PCSK5: variants seen among roughly 807,000 people sequenced by gnomAD.
The protein encoded by PCSK5 is prohormone convertase 5.
A neutral mutation model predicts 233.2 loss-of-function variants in PCSK5; 129 were observed. The observed-to-expected ratio is 0.55, with a 90% CI of 0.48 to 0.64. The LOEUF (loss-of-function observed/expected upper bound fraction) is 0.64, where lower values mean the gene tolerates loss of function less well. PCSK5 is among the 30% of genes least tolerant of loss of function. The pLI, the probability that PCSK5 is intolerant of heterozygous loss-of-function variation, is 0.00. For missense variants in PCSK5, 2,076 were observed against 2,430.1 expected (o/e 0.85, Z 3.06); for synonymous variants, 825 against 879.2 (o/e 0.94, Z 1.09).
rs1374183945 is a variant in PCSK5 at position 76,096,730 on chromosome 9, T to C, written c.1107+628T>C. On this transcript the variant is annotated intron_variant, in intron 8 of 37. Transcript: ENST00000674117. Reference sequence around the variant, plus strand: ...TATTCTCCTGTCTCAGCCTCCCAAGTAGCTGGAATTACAGGTGCGCACCAC... The same window carrying C: ...TATTCTCCTGTCTCAGCCTCCCAAGCAGCTGGAATTACAGGTGCGCACCAC... 2.6e-5 allele frequency among the ~76,000 whole-genome samples: 4 copies of C among 151,830 alleles called. No homozygotes were observed. In the East Asian group the frequency reaches 5.8e-4, roughly 22 times the overall value.
At chr9:76,245,155 G>T (rs1485457571) in intron 24 of PCSK5, among the ~76,000 whole-genome samples, 1 of 152,058 alleles carries the variant, frequency 6.6e-6, no homozygotes, top group Non-Finnish European at 1.5e-5. Context: ...ATATACCATT[G>T]ACTTGATGAT....
chr9:76,207,558 T>A (rs1241459668), intron 20 of PCSK5, among the ~76,000 whole-genome samples: 1 of 152,216 alleles, frequency 6.6e-6, no homozygotes, highest in Non-Finnish European at 1.5e-5. Flanking sequence ...GAATATAATA[T>A]AAGGGTATAT....
intron 24 of PCSK5, among the ~76,000 whole-genome samples, chr9:76,275,780 T>C (rs1459202583): frequency 6.6e-6 from 1 of 152,222 alleles, no homozygotes; most frequent in Non-Finnish European, 1.5e-5. Context: ...ACTTGGCTTC[T>C]TTCAGCCTGA....
chr9:76,231,828 T>G (rs998445698), intron 21 of PCSK5, among the ~76,000 whole-genome samples: 1 of 152,148 alleles, frequency 6.6e-6, no homozygotes, highest in African/African-American at 2.4e-5. Context: ...TGTGTGAGTG[T>G]CTGTTTAGGA....
chr9:76,232,655 AT>A (rs1216396745), intron 21 of PCSK5, among the ~76,000 whole-genome samples: 1 of 152,152 alleles, frequency 6.6e-6, no homozygotes, highest in Non-Finnish European at 1.5e-5. Context: ...AACATTTTGT[AT>A]TTTTCTGAAC....
intron 24 of PCSK5, among the ~76,000 whole-genome samples, chr9:76,274,911 G>A (rs1827640576): frequency 6.6e-6 from 1 of 152,072 alleles, no homozygotes; most frequent in African/African-American, 2.4e-5. Flanking sequence ...TGGTGGAAGG[G>A]GGAGAAAGCA....
chr9:76,141,873 C>G (rs1394505751), intron 10 of PCSK5, among the ~76,000 whole-genome samples: 2 of 152,048 alleles, frequency 1.3e-5, no homozygotes, highest in Non-Finnish European at 2.9e-5. Flanking sequence ...CAAACTAACT[C>G]AGGAACAGAA....
At chr9:76,286,969 C>G in intron 24 of PCSK5, 1 of 225,452 alleles carries the variant, frequency 4.4e-6, no homozygotes, top group South Asian at 7.1e-5. Flanking sequence ...ACACCGCTGT[C>G]TCTGCACAAC....
At chr9:76,030,152 CAAAA>C (rs200529520) in intron 5 of PCSK5, among the ~76,000 whole-genome samples, 2 of 141,300 alleles carry the variant, frequency 1.4e-5, no homozygotes, top group Admixed American at 7.1e-5. Flanking sequence ...ATACTTTAAG[CAAAA>C]AAAAAAAAAT....
chr9:76,123,652 G>A (rs1832731212), intron 9 of PCSK5, among the ~76,000 whole-genome samples: 1 of 151,924 alleles, frequency 6.6e-6, no homozygotes, highest in East Asian at 1.9e-4. Flanking sequence ...TCATCATTAG[G>A]TCTTTTCTAA....
At chr9:76,272,801 A>AAAAAAAAAAAAT (rs1827562926) in intron 24 of PCSK5, among the ~76,000 whole-genome samples, 1 of 149,520 alleles carries the variant, frequency 6.7e-6, no homozygotes, top group Non-Finnish European at 1.5e-5. Flanking sequence ...AAAAAAAAAA[A>AAAAAAAAAAAAT]ATTCACACTC....
chr9:76,151,955 T>C (rs150902362), intron 10 of PCSK5, among the ~76,000 whole-genome samples: 49 of 152,340 alleles, frequency 3.2e-4, no homozygotes, highest in African/African-American at 1.1e-3. Context: ...AGTGATATAA[T>C]AATTAATTGG....
intron 7 of PCSK5, among the ~76,000 whole-genome samples, chr9:76,081,622 T>C (rs1830841753): frequency 6.6e-6 from 1 of 152,098 alleles, no homozygotes; most frequent in Non-Finnish European, 1.5e-5. Flanking sequence ...GAATTGCTTT[T>C]AAATTTAACT....
At chr9:75,914,054 G>C (rs1401163399) in intron 1 of PCSK5, among the ~76,000 whole-genome samples, 1 of 152,108 alleles carries the variant, frequency 6.6e-6, no homozygotes, top group Non-Finnish European at 1.5e-5. Context: ...CTAATCATTG[G>C]AGGAAATAAA....
intron 20 of PCSK5, among the ~76,000 whole-genome samples, chr9:76,217,306 C>G (rs770009052): frequency 6.6e-6 from 1 of 152,156 alleles, no homozygotes; most frequent in Admixed American, 6.5e-5. Flanking sequence ...GTGAGTTGAG[C>G]GTTGAGTGTT....
At chr9:76,033,914 A>G (rs904702837) in intron 5 of PCSK5, among the ~76,000 whole-genome samples, 2 of 152,198 alleles carry the variant, frequency 1.3e-5, no homozygotes, top group South Asian at 4.1e-4. Context: ...GTTAGGGATT[A>G]GAGTTTGACA....
At chr9:76,351,421 C>T (rs1052355301) in intron 36 of PCSK5, among the ~76,000 whole-genome samples, 16 of 94,524 alleles carry the variant, frequency 1.7e-4, no homozygotes, top group Admixed American at 5.6e-4. Context: ...TACCAGAAAC[C>T]GCCCCCCCCT....
intron 20 of PCSK5, among the ~76,000 whole-genome samples, chr9:76,202,628 C>A (rs1183362999): frequency 6.6e-6 from 1 of 151,862 alleles, no homozygotes; most frequent in Non-Finnish European, 1.5e-5. Flanking sequence ...CCTAGAACAC[C>A]CCCACACATC....
At chr9:76,274,562 G>C (rs1351568335) in intron 24 of PCSK5, among the ~76,000 whole-genome samples, 1 of 150,786 alleles carries the variant, frequency 6.6e-6, no homozygotes, top group Non-Finnish European at 1.5e-5. Flanking sequence ...GAGAAGATTT[G>C]CATTTCCTTC....
Sources: gnomAD v4.1 joint callset for allele counts (sites outside exome capture counted in the v4.1 genomes callset) on GRCh38, gnomAD v4.1.1 for gene constraint, MANE v1.5 for transcripts, NCBI Gene and HGNC (gene_info 2026-07-23, HGNC 2026-07-21) for gene names.